The following ZFP1 variants were observed in gnomAD, a reference collection of about 807,000 sequenced individuals.
The protein encoded by ZFP1 is ZFP1 zinc finger protein.
In ZFP1, 32 loss-of-function variants were observed where a neutral mutation model predicts 38.5. That is an observed-to-expected ratio of 0.83 (90% CI 0.63 to 1.12). ZFP1 has a LOEUF of 1.12. Ranked by LOEUF, ZFP1 falls within the 50% of genes most tolerant of loss-of-function variation. The probability of loss-of-function intolerance (pLI) is 0.00; values close to 1 mark genes in which losing one functional copy is unlikely to be tolerated. For synonymous variants in ZFP1, 245 were observed against 168.8 expected (o/e 1.45, Z -3.50); for missense variants, 616 against 480.8 (o/e 1.28, Z -2.63).
At chr16:75,159,559 C>T (rs149659753) in intron 2 of ZFP1, among the ~76,000 whole-genome samples, 135 of 151,496 alleles carry the variant, frequency 8.9e-4, no homozygotes, top group Non-Finnish European at 1.8e-3. Context: ...AGACATGTGC[C>T]ACTATGCCCG....
chr16:75,119,850 C>T, the ZFP1 span, among the ~76,000 whole-genome samples: 1 of 151,880 alleles, frequency 6.6e-6, no homozygotes, highest in African/African-American at 2.4e-5. Context: ...TAAATTCACA[C>T]ACACACACAT....
At chr16:75,157,742 C>A (rs1042214880) in intron 2 of ZFP1, among the ~76,000 whole-genome samples, 1 of 152,048 alleles carries the variant, frequency 6.6e-6, no homozygotes, top group Non-Finnish European at 1.5e-5. Flanking sequence ...CTCTTTATCC[C>A]TGATAATACT....
At position 75,169,627 on chromosome 16, in the gene ZFP1, A is replaced by G. The variant is rs1448863787; in HGVS notation, c.517A>G (p.Lys173Glu). ...KALSHKAAIF[K>E]HQKIKNLVQP... ...CCTCAGCCATAAAGCAGCCATTTTTAAACATCAGAAAATAAAAAACTTGGT... is the reference window on the plus strand; with the variant it reads ...CCTCAGCCATAAAGCAGCCATTTTTGAACATCAGAAAATAAAAAACTTGGT... Residue 173 changes from lysine to glutamate, a missense_variant, in exon 4 of 4, where the codon AAA (lysine) becomes GAA (glutamate). Lys to Glu is a moderately conservative substitution (Grantham distance 56). Transcript: ENST00000570010. 2 of 1,592,122 alleles carry G rather than the reference A, an allele frequency of 1.3e-6. No homozygotes were observed. Among genetic ancestry groups the G allele is most frequent in the Non-Finnish European group, 1.7e-6 (2 of 1,173,918 alleles).
the ZFP1 span, among the ~76,000 whole-genome samples, chr16:75,132,038 A>C: frequency 1.3e-5 from 2 of 152,070 alleles, no homozygotes; most frequent in Admixed American, 1.3e-4. Flanking sequence ...TGCGTCTCAT[A>C]AATCTTTTTA....
At position 75,153,258 on chromosome 16, in the gene ZFP1, CTT is replaced by C. The variant is rs1250812978; in HGVS notation, c.15+294_15+295del. Among the ~76,000 whole-genome samples, 6 of 152,312 alleles carry C rather than the reference CTT, an allele frequency of 3.9e-5. No homozygotes were observed. In the South Asian group the frequency reaches 8.3e-4, roughly 21 times the overall value. ...ACAACCAACTTTGAAAGGGTTATCA[CTT>C]TATCTGTGGTTGTTTCATATAACAT... On this transcript the variant is annotated intron_variant, in intron 2 of 3. Coordinates refer to ENST00000570010, the MANE Select transcript of ZFP1 (RefSeq NM_153688.4).
chr16:75,134,889 C>T, the ZFP1 span, among the ~76,000 whole-genome samples: 1 of 151,894 alleles, frequency 6.6e-6, no homozygotes, highest in Non-Finnish European at 1.5e-5. Context: ...GAAACCCCAT[C>T]TCTACTAAAA....
the ZFP1 span, among the ~76,000 whole-genome samples, chr16:75,136,725 C>A: frequency 6.6e-6 from 1 of 151,880 alleles, no homozygotes; most frequent in Non-Finnish European, 1.5e-5. Context: ...CAAAAATTAG[C>A]CAGCCGTGAT....
At chr16:75,126,465 G>T in the ZFP1 span, among the ~76,000 whole-genome samples, 3 of 151,860 alleles carry the variant, frequency 2.0e-5, no homozygotes, top group Admixed American at 2.0e-4. Context: ...GTGCAATTGT[G>T]CAATCTTGGC....
the ZFP1 span, among the ~76,000 whole-genome samples, chr16:75,128,725 C>G: frequency 6.6e-6 from 1 of 152,196 alleles, no homozygotes; most frequent in Non-Finnish European, 1.5e-5. Flanking sequence ...AGCTGGACAA[C>G]TTAAACTTCA....
intron 2 of ZFP1, among the ~76,000 whole-genome samples, chr16:75,156,496 G>A (rs911234034): frequency 1.3e-5 from 2 of 151,870 alleles, no homozygotes; most frequent in Non-Finnish European, 2.9e-5. Flanking sequence ...TGCTACTGTT[G>A]GACAAAGCCT....
At chr16:75,123,028 T>C in the ZFP1 span, among the ~76,000 whole-genome samples, 1 of 152,120 alleles carries the variant, frequency 6.6e-6, no homozygotes, top group African/African-American at 2.4e-5. Flanking sequence ...AGTTAAATAA[T>C]AGAGATTTTA....
intron 2 of ZFP1, among the ~76,000 whole-genome samples, chr16:75,161,801 C>T (rs1310405487): frequency 0.011 from 32 of 2,842 alleles, no homozygotes; most frequent in African/African-American, 0.022. Flanking sequence ...TTTTTTTTTT[C>T]CTGAGATGGA....
At chr16:75,140,783 C>A in the ZFP1 span, among the ~76,000 whole-genome samples, 3 of 152,184 alleles carry the variant, frequency 2.0e-5, no homozygotes, top group African/African-American at 4.8e-5. Context: ...CGCGGTGAAA[C>A]CCCGTCTCTA....
chr16:75,155,543 C>T (rs762708963), intron 2 of ZFP1, among the ~76,000 whole-genome samples: 1 of 152,120 alleles, frequency 6.6e-6, no homozygotes, highest in Admixed American at 6.5e-5. Flanking sequence ...TTGTGTGACA[C>T]ATGTACAGAA....
chr16:75,154,713 A>G (rs1308385993), intron 2 of ZFP1, among the ~76,000 whole-genome samples: 4 of 152,104 alleles, frequency 2.6e-5, no homozygotes. Flanking sequence ...AACCTCCTGA[A>G]TGAGAGTTTC....
At chr16:75,143,591 A>G (rs1318921758), upstream of ZFP1, among the ~76,000 whole-genome samples, 1 of 147,126 alleles carries the variant, frequency 6.8e-6, no homozygotes, top group Non-Finnish European at 1.5e-5. Flanking sequence ...CATTTAAAGT[A>G]TGATCTACAG....
At chr16:75,134,168 G>C in the ZFP1 span, among the ~76,000 whole-genome samples, 1 of 152,186 alleles carries the variant, frequency 6.6e-6, no homozygotes, top group Admixed American at 6.5e-5. Flanking sequence ...GAATTAGATA[G>C]CGGTGATGGT....
chr16:75,159,510 C>T (rs1468279785), intron 2 of ZFP1, among the ~76,000 whole-genome samples: 3 of 149,866 alleles, frequency 2.0e-5, no homozygotes, highest in Non-Finnish European at 4.4e-5. Context: ...TGGGCTCAGG[C>T]AACCCTCCCA....
chr16:75,154,170 G>C (rs1265633745), intron 2 of ZFP1, among the ~76,000 whole-genome samples: 2 of 152,156 alleles, frequency 1.3e-5, no homozygotes, highest in African/African-American at 4.8e-5. Context: ...CTTGCAGTGA[G>C]CTGAGATCGC....
Sources: allele counts gnomAD v4.1 joint callset (sites outside exome capture counted in the v4.1 genomes callset), GRCh38; gene constraint gnomAD v4.1.1; transcripts MANE v1.5; gene names NCBI Gene and HGNC (gene_info 2026-07-23, HGNC 2026-07-21).